NPAS3: variants seen among roughly 807,000 people sequenced by gnomAD.
The protein encoded by NPAS3 is neuronal PAS domain-containing protein 3.
In NPAS3, 14 loss-of-function variants were observed where a neutral mutation model predicts 73.1. The observed-to-expected ratio is 0.19, with a 90% CI of 0.13 to 0.30. NPAS3 has a LOEUF of 0.30. Ranked by LOEUF, NPAS3 falls within the 10% of genes least tolerant of loss-of-function variation. NPAS3 has a pLI of 1.00. For missense variants in NPAS3, 1,096 were observed against 1,250.0 expected (o/e 0.88, Z 1.86); for synonymous variants, 620 against 541.5 (o/e 1.14, Z -2.01).
At chr14:33,055,236 A>G in intron 1 of NPAS3, among the ~76,000 whole-genome samples, 1 of 152,338 alleles carries the variant, frequency 6.6e-6, no homozygotes, top group African/African-American at 2.4e-5. Context: ...ATGCTTAAGT[A>G]ACACAGATGA....
intron 2 of NPAS3, among the ~76,000 whole-genome samples, chr14:33,166,655 C>G (rs1275299012): frequency 6.6e-6 from 1 of 152,028 alleles, no homozygotes; most frequent in Admixed American, 6.6e-5. Context: ...ATATAAGGCC[C>G]CTTTGATAGA....
chr14:33,728,355 G>A (rs1359362252), intron 6 of NPAS3, among the ~76,000 whole-genome samples: 1 of 152,168 alleles, frequency 6.6e-6, no homozygotes, highest in African/African-American at 2.4e-5. Flanking sequence ...CATCATTATT[G>A]AATCACAATT....
chr14:33,658,494 C>T (rs947938189), intron 5 of NPAS3, among the ~76,000 whole-genome samples: 3 of 152,224 alleles, frequency 2.0e-5, no homozygotes, highest in African/African-American at 4.8e-5. Context: ...TCTCCCTCTA[C>T]TTCCATCAAT....
At chr14:33,649,244 C>T (rs1232187835) in intron 5 of NPAS3, among the ~76,000 whole-genome samples, 3 of 152,214 alleles carry the variant, frequency 2.0e-5, no homozygotes, top group Non-Finnish European at 4.4e-5. Flanking sequence ...CAAATACTCA[C>T]ATGGGGCTGT....
At chr14:33,221,634 A>G (rs983112612) in intron 3 of NPAS3, among the ~76,000 whole-genome samples, 2 of 152,118 alleles carry the variant, frequency 1.3e-5, no homozygotes, top group African/African-American at 4.8e-5. Context: ...TAAAAGGAGA[A>G]GTAGAAATGA....
chr14:33,022,064 C>G (rs368941101), intron 1 of NPAS3, among the ~76,000 whole-genome samples: 3 of 152,198 alleles, frequency 2.0e-5, no homozygotes, highest in East Asian at 3.9e-4. Flanking sequence ...CTTTTCCCAC[C>G]TTATTCACCA....
intron 2 of NPAS3, among the ~76,000 whole-genome samples, chr14:33,077,267 G>T (rs920084223): frequency 1.3e-5 from 2 of 152,156 alleles, no homozygotes; most frequent in South Asian, 2.1e-4. Flanking sequence ...TGCTGAAAGG[G>T]TGACAATGAG....
chr14:33,464,792 GT>G (rs1393061469), intron 4 of NPAS3, among the ~76,000 whole-genome samples: 1 of 152,200 alleles, frequency 6.6e-6, no homozygotes, highest in Non-Finnish European at 1.5e-5. Flanking sequence ...ATGATGCCAA[GT>G]GCAAAGCCCT....
At chr14:33,406,852 A>C (rs1051978719) in intron 4 of NPAS3, among the ~76,000 whole-genome samples, 1 of 152,116 alleles carries the variant, frequency 6.6e-6, no homozygotes, top group African/African-American at 2.4e-5. Flanking sequence ...CTTGGAGGGC[A>C]GACCCTTCTA....
intron 2 of NPAS3, among the ~76,000 whole-genome samples, chr14:33,109,569 G>C (rs573789938): frequency 1.3e-5 from 2 of 152,024 alleles, no homozygotes; most frequent in Non-Finnish European, 2.9e-5. Context: ...ATTTGATATT[G>C]CAAAATTAAT....
At chr14:33,132,828 AT>A (rs1226785962) in intron 2 of NPAS3, among the ~76,000 whole-genome samples, 3 of 152,118 alleles carry the variant, frequency 2.0e-5, no homozygotes. Flanking sequence ...AATAACTAAT[AT>A]TTACTGATAC....
At chr14:33,776,540 A>AT (rs1457556567) in intron 8 of NPAS3, among the ~76,000 whole-genome samples, 5 of 143,880 alleles carry the variant, frequency 3.5e-5, no homozygotes, top group African/African-American at 1.3e-4. Context: ...AAAAAAAAAA[A>AT]AAAAAAAAAA....
chr14:33,372,051 T>C (rs573383890), intron 4 of NPAS3, among the ~76,000 whole-genome samples: 6 of 152,232 alleles, frequency 3.9e-5, no homozygotes, highest in African/African-American at 1.4e-4. Flanking sequence ...ACAATGGTAA[T>C]AAGAGGAAAG....
chr14:33,475,939 C>G (rs1302230973), intron 4 of NPAS3, among the ~76,000 whole-genome samples: 1 of 152,178 alleles, frequency 6.6e-6, no homozygotes, highest in Non-Finnish European at 1.5e-5. Flanking sequence ...GCTATCCTCA[C>G]TTTGAGATGG....
chr14:33,362,369 C>T (rs1352720079), intron 3 of NPAS3, among the ~76,000 whole-genome samples: 1 of 152,188 alleles, frequency 6.6e-6, no homozygotes, highest in Non-Finnish European at 1.5e-5. Flanking sequence ...GATACACACA[C>T]TCATACATAC....
At chr14:33,327,213 A>G (rs1221104638) in intron 3 of NPAS3, among the ~76,000 whole-genome samples, 1 of 152,202 alleles carries the variant, frequency 6.6e-6, no homozygotes, top group Non-Finnish European at 1.5e-5. Context: ...TTCCTCATTC[A>G]ATGTTAGATA....
At chr14:33,770,738 A>G (rs762333546) in intron 7 of NPAS3, among the ~76,000 whole-genome samples, 20 of 152,178 alleles carry the variant, frequency 1.3e-4, no homozygotes, top group Non-Finnish European at 2.4e-4. Context: ...AGTCTCTACT[A>G]AAAATACAAA....
intron 4 of NPAS3, among the ~76,000 whole-genome samples, chr14:33,383,157 G>A (rs1191491380): frequency 7.0e-6 from 1 of 143,696 alleles, no homozygotes; most frequent in Non-Finnish European, 1.5e-5. Flanking sequence ...GTGCTTTTTT[G>A]TGAAAAAATT....
intron 3 of NPAS3, among the ~76,000 whole-genome samples, chr14:33,338,222 C>T (rs2044315240): frequency 6.6e-6 from 1 of 152,080 alleles, no homozygotes; most frequent in Non-Finnish European, 1.5e-5. Flanking sequence ...AATTTTATTT[C>T]TGAATATTTT....
Sources: allele counts gnomAD v4.1 joint callset (sites outside exome capture counted in the v4.1 genomes callset), GRCh38; gene constraint gnomAD v4.1.1; transcripts MANE v1.5; gene names NCBI Gene and HGNC (gene_info 2026-07-23, HGNC 2026-07-21).